The following CHRM3 variants were observed in gnomAD, a reference collection of about 807,000 sequenced individuals.
CHRM3 encodes muscarinic acetylcholine receptor M3.
CHRM3 carries 11 observed loss-of-function variants against 41.8 expected under a neutral mutation model. The ratio of observed to expected loss-of-function variants is 0.26; its 90% confidence interval spans 0.17 to 0.44. The LOEUF (loss-of-function observed/expected upper bound fraction) is 0.44. CHRM3 is among the 20% of genes least tolerant of loss of function. CHRM3 has a pLI of 1.00. For missense variants in CHRM3, 571 were observed against 745.4 expected (o/e 0.77, Z 2.72); for synonymous variants, 297 against 301.4 (o/e 0.99, Z 0.15).
chr1:239,464,819 G>T (rs138674745), intron 1 of CHRM3, among the ~76,000 whole-genome samples: 522 of 152,144 alleles, frequency 3.4e-3, no homozygotes, highest in African/African-American at 0.012. Context: ...AGGTGGTCCT[G>T]TTCTCTTTTA....
chr1:239,435,334 A>G (rs1435177614), intron 1 of CHRM3, among the ~76,000 whole-genome samples: 1 of 151,978 alleles, frequency 6.6e-6, no homozygotes, highest in Non-Finnish European at 1.5e-5. Flanking sequence ...CCTGTAGTCC[A>G]GCTACTCGGG....
intron 3 of CHRM3, among the ~76,000 whole-genome samples, chr1:239,563,184 G>C (rs1385016453): frequency 2.5e-5 from 3 of 118,576 alleles, no homozygotes; most frequent in Non-Finnish European, 3.5e-5. Context: ...TTCTGAAGTT[G>C]GTGTAGGGCA....
intron 1 of CHRM3, among the ~76,000 whole-genome samples, chr1:239,423,086 G>A (rs1662083317): frequency 6.6e-6 from 1 of 152,004 alleles, no homozygotes; most frequent in South Asian, 2.1e-4. Context: ...ACTGTCACAG[G>A]GCTGTAGCCA....
At chr1:239,588,782 T>C (rs1663715846) in intron 3 of CHRM3, among the ~76,000 whole-genome samples, 1 of 152,140 alleles carries the variant, frequency 6.6e-6, no homozygotes, top group Non-Finnish European at 1.5e-5. Flanking sequence ...TGCATAGACT[T>C]TGAATATGTA....
chr1:239,437,242 T>A (rs1232354490), intron 1 of CHRM3, among the ~76,000 whole-genome samples: 1 of 152,166 alleles, frequency 6.6e-6, no homozygotes, highest in African/African-American at 2.4e-5. Flanking sequence ...GCCTCCCAAG[T>A]AGCTAGGATT....
rs547052861 is a variant in CHRM3, at chr1:239,635,430, A to G, written c.-250+3144A>G. On this transcript the variant is annotated intron_variant, in intron 4 of 6. Transcript: ENST00000676153. ...ACTCCAAGCCTCCCTGTCTTTATTT[A>G]TTGAATATTTCTCTTTGTTCTTTGC... Among the ~76,000 whole-genome samples, 6 of 152,166 alleles carry G rather than the reference A, an allele frequency of 3.9e-5. No individual in the cohort carries two copies. The South Asian group carries it at 1.0e-3, about 26-fold the overall frequency.
intron 1 of CHRM3, among the ~76,000 whole-genome samples, chr1:239,439,212 C>T (rs2103237237): frequency 6.6e-6 from 1 of 152,256 alleles, no homozygotes; most frequent in South Asian, 2.1e-4. Flanking sequence ...AAACATGGTC[C>T]TTAGGTTTGT....
At chr1:239,506,133 GA>G (rs997078324) in intron 2 of CHRM3, among the ~76,000 whole-genome samples, 15 of 151,992 alleles carry the variant, frequency 9.9e-5, no homozygotes, top group African/African-American at 3.1e-4. Context: ...CAATGAGATA[GA>G]AAAAAAATCT....
At chr1:239,852,063 A>G (rs1674740715) in intron 6 of CHRM3, among the ~76,000 whole-genome samples, 1 of 152,102 alleles carries the variant, frequency 6.6e-6, no homozygotes, top group Admixed American at 6.6e-5. Flanking sequence ...ACTGTCCTTT[A>G]ACTTATCAGC....
chr1:239,743,061 C>T (rs1435213970), intron 5 of CHRM3, among the ~76,000 whole-genome samples: 1 of 151,898 alleles, frequency 6.6e-6, no homozygotes, highest in Non-Finnish European at 1.5e-5. Flanking sequence ...AGTAAAACTA[C>T]TCAGGGGAAA....
At chr1:239,758,713 A>C (rs1364613224) in intron 5 of CHRM3, among the ~76,000 whole-genome samples, 1 of 152,178 alleles carries the variant, frequency 6.6e-6, no homozygotes, top group Non-Finnish European at 1.5e-5. Flanking sequence ...AGGAAAGGTT[A>C]TTTTTTATTT....
intron 1 of CHRM3, among the ~76,000 whole-genome samples, chr1:239,411,789 T>C (rs1661094403): frequency 6.8e-6 from 1 of 147,132 alleles, no homozygotes; most frequent in South Asian, 2.1e-4. Context: ...TTACATTTAA[T>C]ATTAATTTTA....
intron 5 of CHRM3, among the ~76,000 whole-genome samples, chr1:239,794,450 T>C (rs1347706591): frequency 6.6e-6 from 1 of 151,524 alleles, no homozygotes; most frequent in Admixed American, 6.6e-5. Context: ...GATGATTTAC[T>C]GTATATCATT....
At chr1:239,869,057 C>G (rs944968536) in intron 6 of CHRM3, among the ~76,000 whole-genome samples, 24 of 152,086 alleles carry the variant, frequency 1.6e-4, no homozygotes, top group Non-Finnish European at 1.3e-4. Context: ...TTGGCTGCAG[C>G]CTAGCTTTCT....
intron 3 of CHRM3, among the ~76,000 whole-genome samples, chr1:239,578,236 G>A (rs755570339): frequency 2.0e-5 from 3 of 152,130 alleles, no homozygotes; most frequent in Non-Finnish European, 2.9e-5. Context: ...TATTAAATAT[G>A]TTCATGAATC....
chr1:239,864,561 T>C (rs867277998), intron 6 of CHRM3, among the ~76,000 whole-genome samples: 67 of 139,792 alleles, frequency 4.8e-4, no homozygotes, highest in African/African-American at 2.0e-3. Flanking sequence ...CACACACACA[T>C]ATACATATAT....
Position 239,655,501 on chromosome 1 carries a change from T to A in CHRM3, c.-249-22685T>A, listed in dbSNP as rs73124677. ...CTATCCCTGCCTTTCTAACACAATC[T>A]ATTTGAGGTCCCTAGTTTCAAGATA... On this transcript the variant is annotated intron_variant, in intron 4 of 6. Transcript: ENST00000676153. Among the ~76,000 whole-genome samples the A allele has an allele frequency of 1.4e-3, 216 of 152,370 alleles. 1 individual carries two copies. Among genetic ancestry groups the A allele is most frequent in the Middle Eastern group, 6.8e-3 (2 of 294 alleles).
At chr1:239,795,038 C>G (rs753764902) in intron 5 of CHRM3, among the ~76,000 whole-genome samples, 1 of 152,134 alleles carries the variant, frequency 6.6e-6, no homozygotes, top group Admixed American at 6.5e-5. Flanking sequence ...ACTAACCAAT[C>G]TTTATGATAT....
At chr1:239,811,213 C>T (rs940138138) in intron 5 of CHRM3, among the ~76,000 whole-genome samples, 4 of 152,162 alleles carry the variant, frequency 2.6e-5, no homozygotes, top group South Asian at 2.1e-4. Flanking sequence ...GAGGTTCATG[C>T]GTTTTGTGTT....
Sources: gnomAD v4.1 joint callset for allele counts (sites outside exome capture counted in the v4.1 genomes callset) on GRCh38, gnomAD v4.1.1 for gene constraint, MANE v1.5 for transcripts, NCBI Gene and HGNC (gene_info 2026-07-23, HGNC 2026-07-21) for gene names.